Variants in SPATA17 observed in about 807,000 individuals in gnomAD.
SPATA17 encodes spermatogenesis associated 17.
In SPATA17, 53 loss-of-function variants were observed where a neutral mutation model predicts 62.2. The observed-to-expected ratio is 0.85, with a 90% CI of 0.68 to 1.07. SPATA17 has a LOEUF of 1.07. Ranked by LOEUF, SPATA17 falls within the 50% of genes least tolerant of loss-of-function variation. The pLI, the probability that SPATA17 is intolerant of heterozygous loss-of-function variation, is 0.00. For synonymous variants in SPATA17, 146 were observed against 146.8 expected, an observed-to-expected ratio of 0.99 and a Z score of 0.04; for missense variants, 466 against 425.5, an observed-to-expected ratio of 1.10 and a Z score of -0.84.
chr1:217,783,400 C>T (rs1008758630), intron 8 of SPATA17, among the ~76,000 whole-genome samples: 13 of 151,864 alleles, frequency 8.6e-5, no homozygotes, highest in African/African-American at 2.9e-4. Context: ...CACTTTATAG[C>T]AATTACTTGA....
At chr1:217,762,777 G>A (rs1673202415) in intron 6 of SPATA17, among the ~76,000 whole-genome samples, 1 of 152,166 alleles carries the variant, frequency 6.6e-6, no homozygotes, top group Non-Finnish European at 1.5e-5. Flanking sequence ...TTTGAGACCA[G>A]CCTGGCCAAC....
chr1:217,734,234 T>C (rs946838671), intron 5 of SPATA17, among the ~76,000 whole-genome samples: 18 of 152,246 alleles, frequency 1.2e-4, no homozygotes, highest in Admixed American at 1.3e-4. Context: ...GGCTTACTTA[T>C]TTGGTTAAAT....
At position 217,631,397 on chromosome 1, in the gene SPATA17, C is replaced by A. The variant is rs1669765530; in HGVS notation, c.19C>A (p.Leu7Met). The change falls in exon 1 of 11, where the codon CTG becomes ATG. Residue 7 changes from leucine (L) to methionine (M), a missense_variant. Physicochemically the swap from Leu to Met is conservative, Grantham distance 15 (BLOSUM62 2). Coordinates refer to ENST00000366933, the MANE Select transcript of SPATA17 (RefSeq NM_138796.4). ...AGAGACCATGGCCACGTTAGCCCGG[C>A]TGCAAGCTAGGTCGTCGACTGTAGG... MATLAR[L>M]QARSSTVGNQ... is the part of the protein sequence containing the mutation. The A allele has an allele frequency of 1.2e-6, 2 of 1,614,166 alleles. No individual in the cohort carries two copies. The highest frequency in any genetic ancestry group is 8.5e-7 in the Non-Finnish European group (1 of 1,180,036).
At position 217,861,754 on chromosome 1, in the gene SPATA17, T is replaced by G. The variant is rs1175019154; in HGVS notation, c.1006-1020T>G. Among the ~76,000 whole-genome samples, 6 of 152,162 alleles carry G rather than the reference T, an allele frequency of 3.9e-5. No homozygotes were observed. In the East Asian group the frequency reaches 1.2e-3, roughly 29 times the overall value. On this transcript the variant is annotated intron_variant, in intron 9 of 10. Coordinates refer to ENST00000366933, the MANE Select transcript of SPATA17 (RefSeq NM_138796.4). ...TTTGCCTTTTATCTAAGCATTTTTA[T>G]CACTCAAATTCTCTTTGCACTCAAA... is the stretch of plus-strand genomic sequence containing the variant.
rs2102954135 is a variant in SPATA17, at chr1:217,749,428, G to T, written c.519+7330G>T. ...GATTTTGAGCATTCACATGTTCCTT[G>T]TGAACTTTTTTTGGGCTTTTTTTTC... On this transcript the variant is annotated intron_variant, in intron 6 of 10. Coordinates refer to ENST00000366933, the MANE Select transcript of SPATA17 (RefSeq NM_138796.4). Among the ~76,000 whole-genome samples, 5 of 152,080 alleles carry T rather than the reference G, an allele frequency of 3.3e-5. 1 individual carries two copies. In the South Asian group the frequency reaches 1.0e-3, roughly 32 times the overall value.
intron 9 of SPATA17, among the ~76,000 whole-genome samples, chr1:217,814,883 A>C (rs2102993730): frequency 6.6e-6 from 1 of 152,236 alleles, no homozygotes; most frequent in Non-Finnish European, 1.5e-5. Context: ...TAAGTCTCTA[A>C]AAATTCAACA....
At chr1:217,776,421 C>T (rs1673589825) in intron 7 of SPATA17, among the ~76,000 whole-genome samples, 1 of 152,176 alleles carries the variant, frequency 6.6e-6, no homozygotes, top group African/African-American at 2.4e-5. Context: ...TAATAAATTA[C>T]TCCAAAATCT....
intron 9 of SPATA17, among the ~76,000 whole-genome samples, chr1:217,835,711 A>C (rs1675247197): frequency 6.6e-6 from 1 of 151,952 alleles, no homozygotes; most frequent in South Asian, 2.1e-4. Flanking sequence ...CTACCAGGCT[A>C]GGAGCAGGAG....
intron 9 of SPATA17, among the ~76,000 whole-genome samples, chr1:217,860,199 T>G (rs1188574276): frequency 6.6e-6 from 1 of 152,208 alleles, no homozygotes; most frequent in Non-Finnish European, 1.5e-5. Flanking sequence ...CTAAACACTT[T>G]GAGATTTTCC....
At position 217,651,146 on chromosome 1, in the gene SPATA17, T is replaced by C. The variant is rs143446051; in HGVS notation, c.208T>C (p.Leu70=). The C allele has an allele frequency of 9.5e-4, 1,524 of 1,609,848 alleles. 1 individual carries two copies. Among genetic ancestry groups the C allele is most frequent in the Non-Finnish European group, 1.2e-3 (1,428 of 1,178,806 alleles). ...TIIQKWWRSF[L]GRKQYQLTVQ... ...TATTCAAAAATGGTGGAGAAGTTTC[T>C]TAGGCAGAAAGCAATATCAACTAAC... Residue 70 remains leucine, a synonymous_variant, in exon 3 of 11, where the codon TTA becomes CTA. Transcript: ENST00000366933.
intron 1 of SPATA17, among the ~76,000 whole-genome samples, chr1:217,644,679 T>G (rs1670141019): frequency 6.6e-6 from 1 of 152,088 alleles, no homozygotes; most frequent in Admixed American, 6.6e-5. Context: ...TTCTGGCCAC[T>G]AATGATATAC....
At chr1:217,755,078 A>C (rs2102958415) in intron 6 of SPATA17, among the ~76,000 whole-genome samples, 1 of 152,270 alleles carries the variant, frequency 6.6e-6, no homozygotes, top group Middle Eastern at 3.4e-3. Flanking sequence ...AATATTTTAA[A>C]ATACACAGAA....
At chr1:217,671,914 T>C (rs1670838889) in intron 4 of SPATA17, among the ~76,000 whole-genome samples, 1 of 152,228 alleles carries the variant, frequency 6.6e-6, no homozygotes, top group African/African-American at 2.4e-5. Context: ...GGTAGTAGAC[T>C]ATGTGCTATT....
At chr1:217,865,988 T>A (rs1242905208) in intron 10 of SPATA17, among the ~76,000 whole-genome samples, 2 of 152,050 alleles carry the variant, frequency 1.3e-5, no homozygotes, top group East Asian at 3.9e-4. Flanking sequence ...AACAAATAAA[T>A]CAATGAAATG....
chr1:217,651,050 C>T (rs777887423), intron 2 of SPATA17, 47 bp from the exon 3 acceptor site: 1 of 1,402,080 alleles, frequency 7.1e-7, no homozygotes, highest in Admixed American at 2.0e-5. Context: ...TTTAACTGAC[C>T]TTGTTTCAAT....
At chr1:217,796,430 T>C (rs1674153693) in intron 8 of SPATA17, among the ~76,000 whole-genome samples, 1 of 151,878 alleles carries the variant, frequency 6.6e-6, no homozygotes, top group Admixed American at 6.6e-5. Flanking sequence ...CTAAGAAAAA[T>C]GTAAGGAAAA....
At chr1:217,762,287 C>A (rs762095361) in intron 6 of SPATA17, among the ~76,000 whole-genome samples, 7 of 152,166 alleles carry the variant, frequency 4.6e-5, no homozygotes, top group Non-Finnish European at 8.8e-5. Context: ...CCCACTCTTA[C>A]AACAATACAC....
At position 217,731,039 on chromosome 1, in the gene SPATA17, G is replaced by A. The variant is rs1462053620; in HGVS notation, c.396-10936G>A. Among the ~76,000 whole-genome samples, 4 of 151,962 alleles carry A rather than the reference G, an allele frequency of 2.6e-5. No individual in the cohort carries two copies. In the East Asian group the frequency reaches 7.7e-4, roughly 29 times the overall value. ...TTATTTTATCTCTTTGAAGCATAAAGGCACTGTAAACCACTTTCTTCTCTT... is the reference window on the plus strand; with the variant it reads ...TTATTTTATCTCTTTGAAGCATAAAAGCACTGTAAACCACTTTCTTCTCTT... On this transcript the variant is annotated intron_variant, in intron 5 of 10. Transcript: ENST00000366933.
intron 5 of SPATA17, among the ~76,000 whole-genome samples, chr1:217,695,761 G>A (rs1310921324): frequency 5.8e-5 from 5 of 86,362 alleles, no homozygotes; most frequent in East Asian, 2.9e-4. Flanking sequence ...CGTGTGAGGT[G>A]TCAGTGTGCC....
Sources: allele counts gnomAD v4.1 joint callset (sites outside exome capture counted in the v4.1 genomes callset), GRCh38; gene constraint gnomAD v4.1.1; transcripts MANE v1.5; gene names NCBI Gene and HGNC (gene_info 2026-07-23, HGNC 2026-07-21).